The following TMEM235 variants were observed in gnomAD, a reference collection of about 807,000 sequenced individuals.
The protein encoded by TMEM235 is transmembrane protein 235, also known as claudin-27.
A neutral mutation model predicts 22.9 loss-of-function variants in TMEM235; 23 were observed. The ratio of observed to expected loss-of-function variants is 1.00; its 90% CI spans 0.72 to 1.42. TMEM235 has a LOEUF of 1.42. Ranked by LOEUF, TMEM235 falls within the 40% of genes most tolerant of loss-of-function variation. TMEM235 has a pLI of 0.00. For missense variants in TMEM235, 308 were observed against 299.5 expected, an observed-to-expected ratio of 1.03 and a Z score of -0.21; for synonymous variants, 137 against 140.5, an observed-to-expected ratio of 0.98 and a Z score of 0.17.
At chr17:78,240,868 C>T (rs575184318) in exon 6 of TMEM235, 1 of 152,312 alleles carries the variant, frequency 6.6e-6, no homozygotes, top group East Asian at 1.9e-4. Flanking sequence ...GCCAATTTGT[C>T]CTTAAGTAAA....
intron 4 of TMEM235, among the ~76,000 whole-genome samples, chr17:78,235,920 A>G (rs1276870273): frequency 6.6e-6 from 1 of 152,098 alleles, no homozygotes; most frequent in African/African-American, 2.4e-5. Flanking sequence ...ACATACTTTT[A>G]AACAACCAGA....
chr17:78,240,102 T>C, exon 6 of TMEM235: 1 of 1,373,208 alleles, frequency 7.3e-7, no homozygotes, highest in Non-Finnish European at 9.6e-7. Context: ...TGCTGCTGCT[T>C]CCGGCCCCCG....
At chr17:78,231,837 G>A (rs1251552732) in exon 2 of TMEM235, 1 of 1,194,458 alleles carries the variant, frequency 8.4e-7, no homozygotes, top group Non-Finnish European at 1.1e-6. Flanking sequence ...GAGAGGTGGG[G>A]TCGATCTCCC....
exon 2 of TMEM235, chr17:78,231,571 T>C (rs1453431092): frequency 2.1e-5 from 27 of 1,303,810 alleles, no homozygotes; most frequent in Non-Finnish European, 2.5e-5. Context: ...TGGGTGGTCC[T>C]GCTGCCTGGC....
intron 4 of TMEM235, among the ~76,000 whole-genome samples, chr17:78,235,571 G>A (rs529002820): frequency 1.3e-5 from 2 of 150,944 alleles, no homozygotes; most frequent in African/African-American, 4.9e-5. Flanking sequence ...ATAGGTGTGA[G>A]GCACCGTTCC....
chr17:78,236,823 G>A (rs1599044963), intron 4 of TMEM235, among the ~76,000 whole-genome samples: 1 of 152,336 alleles, frequency 6.6e-6, no homozygotes, highest in East Asian at 1.9e-4. Context: ...TGCAGAGATT[G>A]GGGAAACCAG....
At chr17:78,239,723 C>A in intron 5 of TMEM235, 57 bp from the exon 5 acceptor site, 1 of 1,502,142 alleles carries the variant, frequency 6.7e-7, no homozygotes, top group Admixed American at 2.1e-5. Context: ...GGGCTCCATG[C>A]TCCTCTCCAG....
chr17:78,234,432 A>G (rs1295235746), intron 3 of TMEM235, 161 bp from the exon 3 acceptor site: 1 of 1,098,034 alleles, frequency 9.1e-7, no homozygotes, highest in East Asian at 2.6e-5. Context: ...AGCCCCTGCC[A>G]GAGTCAGAGG....
At chr17:78,240,318 T>C (rs2081108501) in exon 6 of TMEM235, 3 of 226,206 alleles carry the variant, frequency 1.3e-5, no homozygotes, top group Non-Finnish European at 1.8e-5. Context: ...CTGCCTAGGG[T>C]GGCGCAGGGC....
At chr17:78,233,399 C>T (rs2076605853) in intron 2 of TMEM235, among the ~76,000 whole-genome samples, 1 of 152,226 alleles carries the variant, frequency 6.6e-6, no homozygotes, top group African/African-American at 2.4e-5. Flanking sequence ...GCAGGCATAA[C>T]TTGCACGTGA....
chr17:78,239,805 C>G, exon 6 of TMEM235: 1 of 1,549,434 alleles, frequency 6.5e-7, no homozygotes. Context: ...CCCAGAGCGG[C>G]AGAGGGACCC....
exon 2 of TMEM235, chr17:78,231,653 G>A (rs1286293395): frequency 2.3e-6 from 3 of 1,299,170 alleles, no homozygotes; most frequent in Admixed American, 2.3e-5. Context: ...GCCCGGCCAG[G>A]CAGGTGCATC....
chr17:78,231,433 C>A (rs997603909), exon 2 of TMEM235: 2 of 1,297,080 alleles, frequency 1.5e-6, no homozygotes, highest in Middle Eastern at 2.1e-4. Flanking sequence ...CTTCCGCAGC[C>A]CCCCGCCCGG....
exon 6 of TMEM235, chr17:78,240,095 T>G (rs2076692729): frequency 1.4e-6 from 2 of 1,393,260 alleles, no homozygotes; most frequent in Admixed American, 5.1e-5. Context: ...CACAGGCTGC[T>G]GCTGCTTCCG....
chr17:78,234,467 G>T, intron 3 of TMEM235, 126 bp from the exon 3 acceptor site: 1 of 1,389,134 alleles, frequency 7.2e-7, no homozygotes, highest in Non-Finnish European at 9.8e-7. Context: ...GTCCAGTGGT[G>T]TCCACAGAGA....
chr17:78,238,206 GT>G lies in TMEM235; in HGVS notation c.410-817del, dbSNP rs1364313354. 1.3e-5 allele frequency among the ~76,000 whole-genome samples: 2 copies of G among 152,250 alleles called. No individual in the cohort carries two copies. Among genetic ancestry groups the G allele is most frequent in the Admixed American group, 6.5e-5 (1 of 15,286 alleles). On this transcript the variant is annotated intron_variant, in intron 4 of 5. Transcript: ENST00000421688. This position sits in a 1 kb window ranked among gnomAD's most constrained non-coding sequence, Gnocchi z 4.3. ...AAAATGCCCTGGAGGCATGGGCCGAGTCCCCTACCTAGCTCGTTGCTGGACC... is the reference window on the plus strand; with the variant it reads ...AAAATGCCCTGGAGGCATGGGCCGAGCCCCTACCTAGCTCGTTGCTGGACC...
chr17:78,237,825 C>T lies in TMEM235; in HGVS notation c.410-1199C>T, dbSNP rs1109627. Among the ~76,000 whole-genome samples, 53,283 of 152,082 alleles carry T rather than the reference C, an allele frequency of 0.35. 9,786 individuals are homozygous for T. The highest frequency in any genetic ancestry group is 0.46 in the African/African-American group (18,960 of 41,486). ...AGCCGGGCAGGCATCCGTGTGTCCT[C>T]CCTCCCTCAGCCTCCCCATGCCTTC... On this transcript the variant is annotated intron_variant, in intron 4 of 5. Transcript: ENST00000421688. This position sits in a 1 kb window ranked among gnomAD's most constrained non-coding sequence, Gnocchi z 4.7.
At chr17:78,234,177 T>C (rs1313084248) in intron 3 of TMEM235, 2 of 703,580 alleles carry the variant, frequency 2.8e-6, no homozygotes, top group East Asian at 5.4e-5. Context: ...TGTTTTCCCC[T>C]GTCTCAGTTT....
At chr17:78,240,813 TCCTC>T (rs1204998554) in exon 6 of TMEM235, 1 of 152,308 alleles carries the variant, frequency 6.6e-6, no homozygotes, top group Non-Finnish European at 1.5e-5. Flanking sequence ...GGCCTCCTCT[TCCTC>T]CTGGTGTTTG....
Sources: allele counts gnomAD v4.1 joint callset (sites outside exome capture counted in the v4.1 genomes callset), GRCh38; gene constraint gnomAD v4.1.1; non-coding constraint Gnocchi (gnomAD v3.1); transcripts MANE v1.5; gene names NCBI Gene and HGNC (gene_info 2026-07-23, HGNC 2026-07-21).